The following PSG6 variants were observed in gnomAD, a reference collection of about 807,000 sequenced individuals.
The protein encoded by PSG6 is pregnancy specific beta-1-glycoprotein 6.
In PSG6, 51 loss-of-function variants were observed where a neutral mutation model predicts 43.3. The observed-to-expected ratio is 1.18, with a 90% CI of 0.94 to 1.49. PSG6 has a LOEUF of 1.49. PSG6 is among the 40% of genes most tolerant of loss of function. The pLI, the probability that PSG6 is intolerant of heterozygous loss-of-function variation, is 0.00. For synonymous variants in PSG6, 292 were observed against 197.6 expected, an observed-to-expected ratio of 1.48 and a Z score of -4.01; for missense variants, 770 against 522.2, an observed-to-expected ratio of 1.47 and a Z score of -4.62.
chr19:42,915,008 T>A (rs896587400), intron 2 of PSG6, among the ~76,000 whole-genome samples: 2 of 151,602 alleles, frequency 1.3e-5, no homozygotes, highest in Non-Finnish European at 2.9e-5. Context: ...GACCATTTGC[T>A]CTCACTCCTC....
intron 5 of PSG6, 113 bp downstream of exon 5, chr19:42,906,809 G>T (rs138019137): frequency 1.2e-6 from 2 of 1,603,264 alleles, no homozygotes; most frequent in Middle Eastern, 2.2e-4. Flanking sequence ...TTTGGGATTT[G>T]CTTGTGCCCA....
intron 2 of PSG6, among the ~76,000 whole-genome samples, chr19:42,912,258 A>T (rs552700187): frequency 6.6e-6 from 1 of 151,774 alleles, no homozygotes; most frequent in Non-Finnish European, 1.5e-5. Flanking sequence ...TCCCATAAAA[A>T]GTTGTCAGGA....
Position 42,902,901 on chromosome 19 carries a change from G to A in PSG6, c.1241-455C>T, listed in dbSNP as rs369712188. Among the ~76,000 whole-genome samples, 6 of 151,580 alleles carry A rather than the reference G, an allele frequency of 4.0e-5. 1 individual carries two copies. Among genetic ancestry groups the A allele is most frequent in the East Asian group, 1.9e-4 (1 of 5,146 alleles). On this transcript the variant is annotated intron_variant, in intron 5 of 5. Transcript: ENST00000187910. ...ATGTCCTAGTGTTTTATGTGTTACC[G>A]CTTTTTTCATATCTATGGAAAAAGG... is the stretch of plus-strand genomic sequence containing the variant.
Position 42,903,949 on chromosome 19 carries a change from C to A in PSG6, c.1241-1503G>T, listed in dbSNP as rs891137294. Among the ~76,000 whole-genome samples, 45 of 151,372 alleles carry A rather than the reference C, an allele frequency of 3.0e-4. 1 individual carries two copies. Among genetic ancestry groups the A allele is most frequent in the Admixed American group, 9.9e-4 (15 of 15,146 alleles). ...AAAAATGAAGCGATTACTACCAATT[C>A]TAATAAAATAATGATTATGAAAGTA... is the stretch of plus-strand genomic sequence containing the variant. On this transcript the variant is annotated intron_variant, in intron 5 of 5. Transcript: ENST00000187910.
chr19:42,902,954 G>A (rs1300537890), intron 5 of PSG6, among the ~76,000 whole-genome samples: 1 of 151,526 alleles, frequency 6.6e-6, no homozygotes, highest in Non-Finnish European at 1.5e-5. Context: ...CACTTTCTAT[G>A]TGCCAGGCCC....
chr19:42,908,030 C>G (rs1171728460), intron 3 of PSG6, 176 bp from the exon 4 acceptor site: 2 of 1,067,106 alleles, frequency 1.9e-6, no homozygotes, highest in Middle Eastern at 6.3e-4. Flanking sequence ...GACTGTGAGG[C>G]CTCCTGCTCT....
At chr19:42,914,644 T>C (rs954105390) in intron 2 of PSG6, among the ~76,000 whole-genome samples, 1 of 151,484 alleles carries the variant, frequency 6.6e-6, no homozygotes, top group African/African-American at 2.4e-5. Context: ...TGTCAGCCTC[T>C]GAAGGACAAG....
rs149511799 is a variant in PSG6, at chr19:42,917,881, C to T, written c.-89G>A. 377 of 1,508,276 alleles carry T rather than the reference C, an allele frequency of 2.5e-4. 6 individuals are homozygous for T. The African/African-American group carries it at 4.4e-3, about 18-fold the overall frequency. 93.4% of individuals were successfully genotyped at this position (1,508,276 alleles called of 1,614,324 possible). A position where few individuals can be genotyped will look rare whatever the true frequency, so the allele number is the denominator to read the frequency against. ...CAGGGCTGTCAGGTGTGCTGTCCTTCCTCCTTCTGTGCTGAGCCTCTTCCC... is the reference window on the plus strand; with the variant it reads ...CAGGGCTGTCAGGTGTGCTGTCCTTTCTCCTTCTGTGCTGAGCCTCTTCCC... On this transcript the variant is annotated 5_prime_UTR_variant, in exon 1 of 6. Transcript: ENST00000187910.
intron 5 of PSG6, among the ~76,000 whole-genome samples, chr19:42,906,124 A>G (rs193017396): frequency 1.3e-5 from 2 of 151,706 alleles, no homozygotes; most frequent in Non-Finnish European, 2.9e-5. Flanking sequence ...CTTTCCTGCC[A>G]TGCAGAGCCC....
chr19:42,903,483 G>C, intron 5 of PSG6: 2 of 815,336 alleles, frequency 2.5e-6, no homozygotes, highest in Non-Finnish European at 3.6e-6. Flanking sequence ...AAACAGAATA[G>C]AGGAAATTAC....
In PSG6 at chr19:42,907,019, G is replaced by A. The variant is rs372397828; in HGVS notation, c.1143C>T (p.Pro381=). The change falls in exon 5 of 6, where the codon CCC becomes CCT. Residue 381 remains proline (P), a synonymous_variant. Transcript: ENST00000187910. ...FQLSGQKLFI[P]QITTNHSGLY... is the part of the protein sequence containing the mutation. ...GCCCGCTATGATTTGTAGTAATTTG[G>A]GGGATAAAGAGCTTTTGTCCTGATA... is the stretch of plus-strand genomic sequence containing the variant. 201 of 1,612,358 alleles carry A rather than the reference G, an allele frequency of 1.2e-4. 8 individuals carry two copies. The highest frequency in any genetic ancestry group is 1.8e-4 in the Admixed American group (11 of 59,872).
rs1315987914 is a variant in PSG6 at position 42,912,865 on chromosome 19, A to G, written c.428-2007T>C. Among the ~76,000 whole-genome samples, 2 of 151,690 alleles carry G rather than the reference A, an allele frequency of 1.3e-5. 1 individual carries two copies. The highest frequency in any genetic ancestry group is 2.9e-5 in the Non-Finnish European group (2 of 67,912). On this transcript the variant is annotated intron_variant, in intron 2 of 5. Transcript: ENST00000187910. Reference sequence around the variant, plus strand: ...GTGGCACAGGCAGTAAAACCATGAGATAGGACCTACCTGGCCACCTCCATC... The same window carrying G: ...GTGGCACAGGCAGTAAAACCATGAGGTAGGACCTACCTGGCCACCTCCATC...
intron 3 of PSG6, chr19:42,910,280 A>T: frequency 4.5e-6 from 3 of 661,412 alleles, no homozygotes; most frequent in South Asian, 4.1e-5. Flanking sequence ...AAGTTGCAAC[A>T]CTGAAGTCCC....
intron 2 of PSG6, 49 bp from the exon 3 acceptor site, chr19:42,910,907 C>A: frequency 6.5e-7 from 1 of 1,549,928 alleles, no homozygotes; most frequent in Non-Finnish European, 8.7e-7. Context: ...CCTTTGATTC[C>A]TCCAAAGGCA....
At chr19:42,911,413 T>G (rs1360710747) in intron 2 of PSG6, among the ~76,000 whole-genome samples, 2 of 151,490 alleles carry the variant, frequency 1.3e-5, no homozygotes, top group African/African-American at 4.9e-5. Context: ...TGGAGGTCAG[T>G]TCAGTCATCA....
rs771318795 is a variant in PSG6 at position 42,906,916 on chromosome 19, A to G, written c.1240+6T>C. ...CCTATTGCCAAGGATGCTGGGATCC[A>G]CTTACCAGAGACTTTGACTATCATG... On this transcript the variant is annotated splice_donor_region_variant and intron_variant, in intron 5 of 5. Coordinates refer to ENST00000187910, the MANE Select transcript of PSG6 (RefSeq NM_001031850.4). 4.3e-6 allele frequency: 7 copies of G among 1,612,316 alleles called. No homozygotes were observed. The highest frequency in any genetic ancestry group is 5.1e-6 in the Non-Finnish European group (6 of 1,179,058).
At chr19:42,911,653 A>G (rs559346232) in intron 2 of PSG6, among the ~76,000 whole-genome samples, 11 of 151,906 alleles carry the variant, frequency 7.2e-5, no homozygotes, top group African/African-American at 2.7e-4. Context: ...CTAGAAATAC[A>G]TGTTGATGTT....
rs758758755 is a variant in PSG6 at position 42,902,965 on chromosome 19, T to C, written c.1241-519A>G. On this transcript the variant is annotated intron_variant, in intron 5 of 5. Transcript: ENST00000187910. The stretch of plus-strand genomic sequence containing the variant: ...GGTGCACTTTCTATGTGCCAGGCCC[T>C]GTGCTCAATACTTTACCTGTATCTC... Among the ~76,000 whole-genome samples the C allele has an allele frequency of 7.9e-5, 12 of 151,670 alleles. 1 individual carries two copies. The highest frequency in any genetic ancestry group is 1.5e-4 in the Non-Finnish European group (10 of 67,916).
chr19:42,914,150 A>T (rs1972279155), intron 2 of PSG6, among the ~76,000 whole-genome samples: 1 of 151,558 alleles, frequency 6.6e-6, no homozygotes, highest in East Asian at 1.9e-4. Context: ...GGTCAGCCTC[A>T]CAAAGGGAAA....
Sources: gnomAD v4.1 joint callset for allele counts (sites outside exome capture counted in the v4.1 genomes callset) on GRCh38, gnomAD v4.1.1 for gene constraint, MANE v1.5 for transcripts, NCBI Gene and HGNC (gene_info 2026-07-23, HGNC 2026-07-21) for gene names.